SHISA9: variants seen among roughly 807,000 people sequenced by gnomAD.
SHISA9 encodes protein shisa-9.
A neutral mutation model predicts 38.0 loss-of-function variants in SHISA9; 13 were observed. The observed-to-expected ratio is 0.34, with a 90% confidence interval of 0.22 to 0.54. The LOEUF (loss-of-function observed/expected upper bound fraction) is 0.54. Among genes scored for constraint, SHISA9 ranks in the 20% least tolerant of loss-of-function variants. The pLI, the probability that SHISA9 is intolerant of heterozygous loss-of-function variation, is 0.91. For missense variants in SHISA9, 538 were observed against 575.8 expected (o/e 0.93, Z 0.67); for synonymous variants, 275 against 242.0 (o/e 1.14, Z -1.27).
At chr16:12,985,257 A>G (rs1567172873) in intron 2 of SHISA9, among the ~76,000 whole-genome samples, 1 of 151,892 alleles carries the variant, frequency 6.6e-6, no homozygotes, top group Admixed American at 6.6e-5. Flanking sequence ...AAATAAATAA[A>G]TAAATAAATA....
intron 2 of SHISA9, among the ~76,000 whole-genome samples, chr16:12,929,092 C>G (rs1240094081): frequency 1.3e-5 from 2 of 152,130 alleles, no homozygotes; most frequent in Non-Finnish European, 2.9e-5. Context: ...CAATGAGATA[C>G]CATCTCATGT....
chr16:13,560,116 G>T, the SHISA9 span, among the ~76,000 whole-genome samples: 9 of 152,316 alleles, frequency 5.9e-5, no homozygotes, highest in Admixed American at 5.2e-4. Flanking sequence ...ATAGCATTGG[G>T]GTAGCAGTTT....
chr16:13,504,536 TAC>T, the SHISA9 span, among the ~76,000 whole-genome samples: 1 of 152,128 alleles, frequency 6.6e-6, no homozygotes, highest in African/African-American at 2.4e-5. Flanking sequence ...TTTCAATACT[TAC>T]AGTGACAGCA....
chr16:13,244,108 A>G (rs1044031291), downstream of SHISA9, among the ~76,000 whole-genome samples: 1 of 152,052 alleles, frequency 6.6e-6, no homozygotes, highest in Admixed American at 6.6e-5. Flanking sequence ...GAATATTCTT[A>G]ATGTTCTTAG....
chr16:13,561,619 G>A, the SHISA9 span, among the ~76,000 whole-genome samples: 1 of 152,174 alleles, frequency 6.6e-6, no homozygotes, highest in Non-Finnish European at 1.5e-5. Context: ...TCAGAATAGC[G>A]AGGTGTGGGG....
At chr16:12,902,668 C>T (rs1303230770) in intron 1 of SHISA9, 41 bp downstream of exon 1, 1 of 1,487,178 alleles carries the variant, frequency 6.7e-7, no homozygotes, top group Non-Finnish European at 9.0e-7. Flanking sequence ...GGGCTTCGCT[C>T]TCCCTGCTCT....
At chr16:13,507,582 A>G in the SHISA9 span, among the ~76,000 whole-genome samples, 10 of 152,160 alleles carry the variant, frequency 6.6e-5, no homozygotes, top group African/African-American at 2.2e-4. Flanking sequence ...GGTGATTCCA[A>G]TGCCGGGGGT....
At chr16:13,384,565 A>T in the SHISA9 span, among the ~76,000 whole-genome samples, 16 of 152,306 alleles carry the variant, frequency 1.1e-4, no homozygotes, top group African/African-American at 3.8e-4. Context: ...CCAGGAAGCA[A>T]TGGTACTCTG....
At chr16:13,485,115 G>C in the SHISA9 span, among the ~76,000 whole-genome samples, 9,266 of 151,824 alleles carry the variant, frequency 0.061, 480 homozygotes, top group East Asian at 0.17. Flanking sequence ...ATGGTGGTTT[G>C]CTGCACCTAT....
chr16:13,469,364 A>AAAGAAAGAAAAGT, the SHISA9 span, among the ~76,000 whole-genome samples: 1 of 58,580 alleles, frequency 1.7e-5, no homozygotes, highest in Non-Finnish European at 3.5e-5. Context: ...GAAAGAAAAG[A>AAAGAAAGAAAAGT]AAAAGAAAGA....
intron 2 of SHISA9, among the ~76,000 whole-genome samples, chr16:13,082,907 G>C (rs973214152): frequency 1.3e-5 from 2 of 152,216 alleles, no homozygotes; most frequent in African/African-American, 4.8e-5. Context: ...TCCTTCTTAA[G>C]AGAGTCCATC....
chr16:13,388,897 G>A, the SHISA9 span, among the ~76,000 whole-genome samples: 1 of 152,128 alleles, frequency 6.6e-6, no homozygotes, highest in Non-Finnish European at 1.5e-5. Context: ...TTAATACAGA[G>A]AACCTTTGTA....
the SHISA9 span, among the ~76,000 whole-genome samples, chr16:13,545,700 A>G: frequency 6.6e-6 from 1 of 152,130 alleles, no homozygotes; most frequent in Admixed American, 6.5e-5. Context: ...CTCTCACGCC[A>G]TGGCCTGTCA....
intron 2 of SHISA9, among the ~76,000 whole-genome samples, chr16:12,918,683 G>A (rs966232182): frequency 2.0e-5 from 3 of 152,182 alleles, no homozygotes; most frequent in Admixed American, 2.0e-4. Context: ...TTGTGCCTAA[G>A]TAATCAGTGA....
At chr16:13,132,611 G>C (rs984512809) in intron 2 of SHISA9, among the ~76,000 whole-genome samples, 1 of 152,060 alleles carries the variant, frequency 6.6e-6, no homozygotes, top group Non-Finnish European at 1.5e-5. Context: ...CTTAATCCTA[G>C]AGGCAAAACT....
At chr16:13,414,484 C>A in the SHISA9 span, among the ~76,000 whole-genome samples, 10 of 152,044 alleles carry the variant, frequency 6.6e-5, no homozygotes, top group Non-Finnish European at 1.3e-4. Flanking sequence ...TTTGAATTCC[C>A]TGGGGATATT....
the SHISA9 span, among the ~76,000 whole-genome samples, chr16:13,348,893 C>A: frequency 6.6e-6 from 1 of 152,050 alleles, no homozygotes; most frequent in Admixed American, 6.5e-5. Context: ...AGCTTGTTTT[C>A]TCTTTGCACT....
chr16:13,108,995 G>A (rs1391889095), intron 2 of SHISA9, among the ~76,000 whole-genome samples: 1 of 152,154 alleles, frequency 6.6e-6, no homozygotes, highest in Non-Finnish European at 1.5e-5. Context: ...TGATGATTCA[G>A]GGTGGCTGCT....
chr16:13,403,572 T>C, the SHISA9 span, among the ~76,000 whole-genome samples: 1 of 152,184 alleles, frequency 6.6e-6, no homozygotes, highest in South Asian at 2.1e-4. Context: ...CAAAACACAG[T>C]GCTGGAAATG....
Sources: allele counts gnomAD v4.1 joint callset (sites outside exome capture counted in the v4.1 genomes callset), GRCh38; gene constraint gnomAD v4.1.1; transcripts MANE v1.5; gene names NCBI Gene and HGNC (gene_info 2026-07-23, HGNC 2026-07-21).